SLA: variants seen among roughly 807,000 people sequenced by gnomAD.
The protein encoded by SLA is Src like adaptor.
In SLA, 16 loss-of-function variants were observed where a neutral mutation model predicts 30.3. The observed-to-expected ratio is 0.53, with a 90% CI of 0.36 to 0.80. SLA has a LOEUF of 0.80. SLA is among the 30% of genes least tolerant of loss of function. The pLI is 0.01. For missense variants in SLA, 310 were observed against 345.2 expected (o/e 0.90, Z 0.81); for synonymous variants, 143 against 137.8 (o/e 1.04, Z -0.26).
chr8:133,054,802 A>C (rs1841061214), intron 3 of SLA, among the ~76,000 whole-genome samples: 1 of 152,190 alleles, frequency 6.6e-6, no homozygotes, highest in African/African-American at 2.4e-5. Context: ...ACGAATCCAC[A>C]AAGGGGAGGG....
chr8:133,096,447 G>C (rs1848427970), intron 1 of SLA: 2 of 1,571,760 alleles, frequency 1.3e-6, no homozygotes, highest in Non-Finnish European at 1.7e-6. Flanking sequence ...TGTCTGACTT[G>C]ATCAAGAGAT....
In SLA at chr8:133,037,472, C is replaced by A. The variant is rs1837301779; in HGVS notation, c.*1052G>T. On this transcript the variant is annotated 3_prime_UTR_variant, in exon 9 of 9. Coordinates refer to ENST00000338087, the MANE Select transcript of SLA (RefSeq NM_001045556.3). ...ATTCTTACCTACCCGATCCAGCCAGCCCTTCCACTCTGAAGAGCAGCTGGA... is the reference window on the plus strand; with the variant it reads ...ATTCTTACCTACCCGATCCAGCCAGACCTTCCACTCTGAAGAGCAGCTGGA... The A allele has an allele frequency of 6.6e-6, 1 of 152,178 alleles. No individual in the cohort carries two copies. The highest frequency in any genetic ancestry group is 2.4e-5 in the African/African-American group (1 of 41,432). The allele number at this position is 152,178 out of a possible 1,614,324, so 9.4% of individuals were successfully genotyped here.
At chr8:133,045,170 C>G in intron 6 of SLA, 55 bp from the exon 7 acceptor site, 1 of 1,599,926 alleles carries the variant, frequency 6.3e-7, no homozygotes, top group East Asian at 2.2e-5. Context: ...CCCCAAGGCA[C>G]CCAGCTAACC....
chr8:133,102,418 C>T (rs1241540421), intron 1 of SLA, 135 bp downstream of exon 1: 2 of 726,778 alleles, frequency 2.8e-6, no homozygotes, highest in Non-Finnish European at 4.7e-6. Flanking sequence ...GAGACCCACC[C>T]ATTTTCTTCA....
intron 2 of SLA, chr8:133,063,987 T>C (rs1842746343): frequency 6.6e-6 from 1 of 152,176 alleles, no homozygotes; most frequent in Non-Finnish European, 1.5e-5. Flanking sequence ...CTAAGAACAA[T>C]AGAAAAGGGC....
chr8:133,078,946 G>C (rs4736626), intron 1 of SLA, among the ~76,000 whole-genome samples: 38,949 of 151,992 alleles, frequency 0.26, 5,301 homozygotes, highest in African/African-American at 0.31. Context: ...AAAGATGTCG[G>C]TAGGGAGGGG....
chr8:133,059,894 C>T (rs1005378098), intron 3 of SLA, among the ~76,000 whole-genome samples: 12 of 152,208 alleles, frequency 7.9e-5, no homozygotes, highest in Non-Finnish European at 1.6e-4. Flanking sequence ...GATTTGACAC[C>T]CTTCAGGTGC....
intron 2 of SLA, among the ~76,000 whole-genome samples, chr8:133,072,429 G>A (rs1207531344): frequency 6.6e-6 from 1 of 152,178 alleles, no homozygotes; most frequent in East Asian, 1.9e-4. Flanking sequence ...TGCAGGAAGA[G>A]AGGGATAGAT....
At position 133,037,844 on chromosome 8, in the gene SLA, T is replaced by C. The variant is rs1391037452; in HGVS notation, c.*680A>G. ...GCCTCCTCGATTTCCCTGCCAGCAGTCTTCCTCTCTCTCATTCTTCTGGCC... is the reference window on the plus strand; with the variant it reads ...GCCTCCTCGATTTCCCTGCCAGCAGCCTTCCTCTCTCTCATTCTTCTGGCC... On this transcript the variant is annotated 3_prime_UTR_variant, in exon 9 of 9. Coordinates refer to ENST00000338087, the MANE Select transcript of SLA (RefSeq NM_001045556.3). The C allele has an allele frequency of 6.6e-6, 1 of 152,272 alleles. No homozygotes were observed. The highest frequency in any genetic ancestry group is 2.4e-5 in the African/African-American group (1 of 41,436). The allele number at this position is 152,272 out of a possible 1,614,324, so 9.4% of individuals were successfully genotyped here.
intron 1 of SLA, among the ~76,000 whole-genome samples, chr8:133,099,891 A>G (rs1029117849): frequency 6.6e-6 from 1 of 151,770 alleles, no homozygotes; most frequent in Non-Finnish European, 1.5e-5. Flanking sequence ...CTAGCCCCCA[A>G]CTCTCTCTCT....
At chr8:133,073,740 C>G (rs989332239) in intron 2 of SLA, among the ~76,000 whole-genome samples, 2 of 152,102 alleles carry the variant, frequency 1.3e-5, no homozygotes, top group African/African-American at 4.8e-5. Flanking sequence ...ACTTTAAACA[C>G]AGGCCTCAGC....
At chr8:133,093,029 TCTC>T (rs1847810797) in intron 1 of SLA, among the ~76,000 whole-genome samples, 1 of 152,160 alleles carries the variant, frequency 6.6e-6, no homozygotes, top group Non-Finnish European at 1.5e-5. Context: ...GACATTCACA[TCTC>T]CTCTCTGCCT....
chr8:133,081,237 A>C (rs971874458), intron 1 of SLA, among the ~76,000 whole-genome samples: 7 of 152,278 alleles, frequency 4.6e-5, no homozygotes, highest in African/African-American at 1.2e-4. Context: ...ATGTCTAACC[A>C]TGACCATGGA....
rs561473386 is a variant in SLA, at chr8:133,050,138, A to G, written c.162-150T>C. The G allele has an allele frequency of 1.5e-5, 10 of 662,208 alleles. No homozygotes were observed. In the African/African-American group the frequency reaches 1.8e-4, roughly 12 times the overall value. The allele number at this position is 662,208 out of a possible 1,614,324, so 41.0% of individuals were successfully genotyped here. Reference sequence around the variant, plus strand: ...TGGCCACGTTAACCCATATTTCGTCATCTGAAAATTTTCTTTTTAAAGGAT... The same window carrying G: ...TGGCCACGTTAACCCATATTTCGTCGTCTGAAAATTTTCTTTTTAAAGGAT... On this transcript the variant is annotated intron_variant, in intron 4 of 8. Coordinates refer to ENST00000338087, the MANE Select transcript of SLA (RefSeq NM_001045556.3).
At chr8:133,049,447 CATATATTATT>C in intron 5 of SLA, 1 of 276,178 alleles carries the variant, frequency 3.6e-6, no homozygotes. Context: ...ATCATATTAT[CATATATTATT>C]ATCCCTGTCG....
At chr8:133,042,682 T>C (rs1838511153) in intron 7 of SLA, among the ~76,000 whole-genome samples, 2 of 111,764 alleles carry the variant, frequency 1.8e-5, no homozygotes, top group East Asian at 2.5e-4. Flanking sequence ...CTGTGTCTTT[T>C]TTTTTTTTTT....
chr8:133,057,767 C>CA (rs1259442790), intron 3 of SLA, among the ~76,000 whole-genome samples: 4 of 91,702 alleles, frequency 4.4e-5, no homozygotes, highest in African/African-American at 3.5e-5. Context: ...TTTAGCAAAA[C>CA]AAAAAACAAA....
intron 2 of SLA, among the ~76,000 whole-genome samples, chr8:133,066,213 C>A (rs552238628): frequency 1.1e-4 from 16 of 151,190 alleles, no homozygotes; most frequent in South Asian, 2.1e-4. Context: ...GTAGTCCCAG[C>A]TACTTGGGAG....
chr8:133,054,988 T>C (rs1245513361), intron 3 of SLA, among the ~76,000 whole-genome samples: 1 of 152,150 alleles, frequency 6.6e-6, no homozygotes, highest in African/African-American at 2.4e-5. Flanking sequence ...TGCCCAGCCC[T>C]ACAGAAAATA....
Sources: gnomAD v4.1 joint callset for allele counts (sites outside exome capture counted in the v4.1 genomes callset) on GRCh38, gnomAD v4.1.1 for gene constraint, MANE v1.5 for transcripts, NCBI Gene and HGNC (gene_info 2026-07-23, HGNC 2026-07-21) for gene names.